FNDC1: variants seen among roughly 807,000 people sequenced by gnomAD.
FNDC1 encodes fibronectin type III domain containing 1, also known as fibronectin type III domain-containing protein 1.
A neutral mutation model predicts 168.0 loss-of-function variants in FNDC1; 96 were observed. That is an observed-to-expected ratio of 0.57 (90% CI 0.48 to 0.68). FNDC1 has a LOEUF of 0.68. Among genes scored for constraint, FNDC1 ranks in the 30% least tolerant of loss-of-function variants. FNDC1 has a pLI of 0.00. For synonymous variants in FNDC1, 1,099 were observed against 1,025.9 expected, an observed-to-expected ratio of 1.07 and a Z score of -1.36; for missense variants, 2,587 against 2,482.1, an observed-to-expected ratio of 1.04 and a Z score of -0.90.
intron 9 of FNDC1, among the ~76,000 whole-genome samples, chr6:159,226,870 C>A (rs990931707): frequency 6.6e-6 from 1 of 152,112 alleles, no homozygotes; most frequent in Non-Finnish European, 1.5e-5. Context: ...TGAACAACAC[C>A]CTGGCTTCCA....
intron 17 of FNDC1, among the ~76,000 whole-genome samples, chr6:159,252,411 A>G (rs1777287225): frequency 6.6e-6 from 1 of 152,162 alleles, no homozygotes; most frequent in South Asian, 2.1e-4. Context: ...TATATCTTAC[A>G]ATGAAAAAAT....
intron 12 of FNDC1, 112 bp downstream of exon 12, chr6:159,236,427 A>G (rs1403941306): frequency 8.4e-6 from 6 of 710,246 alleles, no homozygotes; most frequent in Admixed American, 2.6e-5. Flanking sequence ...CTTCTTCTCT[A>G]GTTTTAACTA....
In FNDC1 at chr6:159,269,205, ATATCTATC is replaced by A. The variant is rs148868340; in HGVS notation, c.5569+1316_5569+1323del. Among the ~76,000 whole-genome samples the A allele has an allele frequency of 1.5e-3, 174 of 115,632 alleles. 2 individuals are homozygous for A. Among genetic ancestry groups the A allele is most frequent in the African/African-American group, 2.7e-3 (83 of 30,418 alleles). The allele number at this position is 115,632 out of a possible 152,430, so 75.9% of individuals were successfully genotyped here. ...GTATCCATCCATTATCTACCTATTC[ATATCTATC>A]TATCTATCTATCTATCTATCTATCT... On this transcript the variant is annotated intron_variant, in intron 22 of 22. Transcript: ENST00000297267.
At chr6:159,220,195 A>G (rs1782791528) in intron 5 of FNDC1, among the ~76,000 whole-genome samples, 1 of 152,184 alleles carries the variant, frequency 6.6e-6, no homozygotes, top group Non-Finnish European at 1.5e-5. Flanking sequence ...ACAGCAGCTC[A>G]CTGTCCATAA....
At chr6:159,197,670 A>C (rs1421916131) in intron 2 of FNDC1, 45 bp downstream of exon 2, 1 of 1,522,624 alleles carries the variant, frequency 6.6e-7, no homozygotes, top group South Asian at 1.2e-5. Flanking sequence ...TTAACTGTGC[A>C]CCAACATTCT....
At chr6:159,173,229 G>C (rs935828539) in intron 1 of FNDC1, among the ~76,000 whole-genome samples, 1 of 151,958 alleles carries the variant, frequency 6.6e-6, no homozygotes, top group African/African-American at 2.4e-5. Flanking sequence ...AGGATGCCTG[G>C]GTGTGAGTGG....
intron 1 of FNDC1, among the ~76,000 whole-genome samples, chr6:159,196,753 A>AC (rs2114944137): frequency 6.6e-6 from 1 of 152,328 alleles, no homozygotes; most frequent in African/African-American, 2.4e-5. Context: ...GTTATGTTTC[A>AC]CTTTAGTAAT....
At chr6:159,266,680 GT>G (rs10616860) in intron 21 of FNDC1, among the ~76,000 whole-genome samples, 5,612 of 143,746 alleles carry the variant, frequency 0.039, 115 homozygotes, top group Non-Finnish European at 0.051. Flanking sequence ...GAAATCTAGG[GT>G]TTTTTTTTTT....
At chr6:159,221,101 C>T (rs1782813088) in intron 5 of FNDC1, among the ~76,000 whole-genome samples, 1 of 152,216 alleles carries the variant, frequency 6.6e-6, no homozygotes, top group South Asian at 2.1e-4. Context: ...TTGAAGGGCA[C>T]AGCATTCCAC....
chr6:159,253,896 C>T (rs765134300), intron 17 of FNDC1, among the ~76,000 whole-genome samples: 7 of 152,240 alleles, frequency 4.6e-5, no homozygotes, highest in Admixed American at 3.9e-4. Context: ...CCGTGGCACA[C>T]GTGTGACCTC....
rs867782843 is a variant in FNDC1, at chr6:159,247,613, G to A, written c.4690+644G>A. Among the ~76,000 whole-genome samples, 11 of 152,064 alleles carry A rather than the reference G, an allele frequency of 7.2e-5. No homozygotes were observed. The South Asian group carries it at 1.9e-3, about 26-fold the overall frequency. On this transcript the variant is annotated intron_variant, in intron 15 of 22. Transcript: ENST00000297267. ...AAAATTAAAAAATTAGCCAGGTATG[G>A]GAGCACACACCTGTAGGTCCAGCTA... is the stretch of plus-strand genomic sequence containing the variant.
intron 18 of FNDC1, 51 bp from the exon 19 acceptor site, chr6:159,261,139 A>G: frequency 6.9e-7 from 1 of 1,448,194 alleles, no homozygotes; most frequent in East Asian, 2.3e-5. Flanking sequence ...GTTTTGTTAC[A>G]CAGAAATCAA....
chr6:159,174,794 C>T (rs1480796631), intron 1 of FNDC1, among the ~76,000 whole-genome samples: 1 of 152,182 alleles, frequency 6.6e-6, no homozygotes, highest in Admixed American at 6.5e-5. Flanking sequence ...CTGCAGGCCT[C>T]CACCAAAGAT....
intron 1 of FNDC1, among the ~76,000 whole-genome samples, chr6:159,174,346 C>T (rs139801470): frequency 5.8e-4 from 88 of 152,358 alleles, no homozygotes; most frequent in African/African-American, 2.0e-3. Context: ...TTCGTGAGCA[C>T]CCCGTTTTCC....
At chr6:159,219,732 T>TA (rs963353651) in intron 5 of FNDC1, among the ~76,000 whole-genome samples, 18 of 151,390 alleles carry the variant, frequency 1.2e-4, no homozygotes, top group South Asian at 4.2e-4. Flanking sequence ...ATCTGGGCAT[T>TA]AAAAAAAAAT....
intron 22 of FNDC1, among the ~76,000 whole-genome samples, chr6:159,269,320 TCTAA>T (rs1347806448): frequency 4.3e-5 from 5 of 116,402 alleles, no homozygotes; most frequent in African/African-American, 1.5e-4. Flanking sequence ...TATCTATTTA[TCTAA>T]CTATCTATCT....
rs1783143437 is a variant in FNDC1 at position 159,233,214 on chromosome 6, C to G, written c.2702C>G (p.Pro901Arg). Reference sequence around the variant, plus strand: ...CACGTGCCTTCCTCCTCCAGGCAGCCCATCTCCCGGGGCTGGGAGGACTTA... The same window carrying G: ...CACGTGCCTTCCTCCTCCAGGCAGCGCATCTCCCGGGGCTGGGAGGACTTA... Reference protein sequence around the residue: ...NDHVPSSSRQPISRGWEDLRR... With the variant: ...NDHVPSSSRQRISRGWEDLRR... The change falls in exon 11 of 23, where the codon CCC becomes CGC. Residue 901 changes from proline to arginine, a missense_variant. By Grantham distance (103) the Pro-to-Arg change is moderately radical. Coordinates refer to ENST00000297267, the MANE Select transcript of FNDC1 (RefSeq NM_032532.3). This position sits in a 1 kb window ranked among gnomAD's most constrained non-coding sequence, Gnocchi z 4.6. The G allele has an allele frequency of 1.9e-6, 3 of 1,613,394 alleles. No homozygotes were observed. The highest frequency in any genetic ancestry group is 2.7e-5 in the African/African-American group (2 of 74,902).
intron 1 of FNDC1, among the ~76,000 whole-genome samples, chr6:159,176,886 A>G (rs1238402311): frequency 6.6e-6 from 1 of 152,216 alleles, no homozygotes; most frequent in Non-Finnish European, 1.5e-5. Context: ...TCATGCCAAT[A>G]TAGACCAAAT....
chr6:159,193,169 C>G (rs1467991322), intron 1 of FNDC1, among the ~76,000 whole-genome samples: 3 of 151,910 alleles, frequency 2.0e-5, no homozygotes, highest in Non-Finnish European at 4.4e-5. Context: ...TGGAGTTAAT[C>G]ACCAATTAAT....
Sources: allele counts gnomAD v4.1 joint callset (sites outside exome capture counted in the v4.1 genomes callset), GRCh38; gene constraint gnomAD v4.1.1; non-coding constraint Gnocchi (gnomAD v3.1); transcripts MANE v1.5; gene names NCBI Gene and HGNC (gene_info 2026-07-23, HGNC 2026-07-21).